The following TRABD2B variants were observed in gnomAD, a reference collection of about 807,000 sequenced individuals.
TRABD2B encodes the protein metalloprotease TIKI2.
In TRABD2B, 14 loss-of-function variants were observed where a neutral mutation model predicts 40.1. The ratio of observed to expected loss-of-function variants is 0.35; its 90% CI spans 0.23 to 0.55. TRABD2B has a LOEUF of 0.55. Among genes scored for constraint, TRABD2B ranks in the 20% least tolerant of loss-of-function variants. The pLI is 0.90. For synonymous variants in TRABD2B, 263 were observed against 277.0 expected (o/e 0.95, Z 0.50); for missense variants, 541 against 648.6 (o/e 0.83, Z 1.80).
chr1:47,789,692 C>T lies in TRABD2B; in HGVS notation c.988+4894G>A, dbSNP rs112659487. 2.8e-4 allele frequency among the ~76,000 whole-genome samples: 42 copies of T among 152,200 alleles called. 3 individuals are homozygous for T. Among genetic ancestry groups the T allele is most frequent in the African/African-American group, 9.9e-4 (41 of 41,508 alleles). On this transcript the variant is annotated intron_variant, in intron 4 of 6. Coordinates refer to ENST00000606738, the MANE Select transcript of TRABD2B (RefSeq NM_001194986.2). The stretch of plus-strand genomic sequence containing the variant: ...GAAGCCATCAGCTGAGAATTTGCTC[C>T]CTTTTTGGCTGCCAAATTACTTGCC...
intron 2 of TRABD2B, among the ~76,000 whole-genome samples, chr1:47,862,977 T>C (rs1237311999): frequency 6.6e-6 from 1 of 152,186 alleles, no homozygotes; most frequent in Non-Finnish European, 1.5e-5. Flanking sequence ...GGCTGCCTTT[T>C]CAACAAATAG....
chr1:47,997,296 C>T lies in TRABD2B; in HGVS notation c.-507G>A. 1.1e-6 allele frequency: 1 copy of T among 887,146 alleles called. No individual in the cohort carries two copies. Among genetic ancestry groups the T allele is most frequent in the Non-Finnish European group, 1.3e-6 (1 of 742,650 alleles). The allele number at this position is 887,146 out of a possible 1,614,324, so 55.0% of individuals were successfully genotyped here. On this transcript the variant is annotated 5_prime_UTR_variant, in exon 1 of 7. Coordinates refer to ENST00000606738, the MANE Select transcript of TRABD2B (RefSeq NM_001194986.2). ...GCGGCTCTGGGGCGACCGGCTGCCC[C>T]CGAGCCCGGCTCAGAGGGGCGGCGG...
chr1:47,843,347 G>C (rs1352696751), intron 2 of TRABD2B, among the ~76,000 whole-genome samples: 1 of 152,182 alleles, frequency 6.6e-6, no homozygotes, highest in African/African-American at 2.4e-5. Flanking sequence ...GAGCAGGGGT[G>C]TTCTGGATGC....
rs1296659278 is a variant in TRABD2B at position 47,762,781 on chromosome 1, C to A, written c.*3121G>T. ...CTGTGGATGACAGGGCTCTCCCTGT[C>A]TTCATCTGGCTGCTGGTGCATCAGA... On this transcript the variant is annotated 3_prime_UTR_variant, in exon 7 of 7. Coordinates refer to ENST00000606738, the MANE Select transcript of TRABD2B (RefSeq NM_001194986.2). 1.3e-5 allele frequency: 2 copies of A among 152,290 alleles called. No individual in the cohort carries two copies. Among genetic ancestry groups the A allele is most frequent in the Admixed American group, 1.3e-4 (2 of 15,302 alleles). 9.4% of individuals were successfully genotyped at this position (152,290 alleles called of 1,614,324 possible).
chr1:47,928,742 A>C (rs182663299), intron 2 of TRABD2B, among the ~76,000 whole-genome samples: 1 of 152,370 alleles, frequency 6.6e-6, no homozygotes, highest in South Asian at 2.1e-4. Flanking sequence ...GCCCATGCTC[A>C]GTAAGATTGA....
intron 2 of TRABD2B, among the ~76,000 whole-genome samples, chr1:47,822,478 A>T (rs1328753484): frequency 7.2e-6 from 1 of 138,612 alleles, no homozygotes; most frequent in African/African-American, 2.7e-5. Context: ...GGGGGCAGGT[A>T]GAGAATCAGG....
At chr1:47,924,921 G>C (rs1644950231) in intron 2 of TRABD2B, among the ~76,000 whole-genome samples, 1 of 152,218 alleles carries the variant, frequency 6.6e-6, no homozygotes, top group Non-Finnish European at 1.5e-5. Context: ...AAAAGGGCAA[G>C]TCTCTGTCTG....
intron 2 of TRABD2B, among the ~76,000 whole-genome samples, chr1:47,855,411 T>C (rs1405992338): frequency 6.6e-6 from 1 of 152,270 alleles, no homozygotes; most frequent in Admixed American, 6.5e-5. Flanking sequence ...TTTACTCTTC[T>C]ATTACATGCA....
chr1:47,803,853 T>A (rs1173606660), intron 2 of TRABD2B, among the ~76,000 whole-genome samples: 3 of 152,222 alleles, frequency 2.0e-5, no homozygotes, highest in Non-Finnish European at 4.4e-5. Context: ...TCAAGGCTGC[T>A]CATTGAGTCC....
At chr1:47,958,157 G>T (rs1340454404) in intron 2 of TRABD2B, among the ~76,000 whole-genome samples, 1 of 149,648 alleles carries the variant, frequency 6.7e-6, no homozygotes, top group Non-Finnish European at 1.5e-5. Context: ...ACAAGCAAAT[G>T]CTGAGAGATT....
At chr1:47,980,460 C>T (rs1456274087) in intron 2 of TRABD2B, among the ~76,000 whole-genome samples, 7 of 152,208 alleles carry the variant, frequency 4.6e-5, no homozygotes, top group African/African-American at 1.7e-4. Context: ...TGCAAAGCCC[C>T]AGCTGCCATG....
intron 2 of TRABD2B, among the ~76,000 whole-genome samples, chr1:47,816,082 C>T (rs1044984122): frequency 1.3e-5 from 2 of 152,142 alleles, no homozygotes; most frequent in African/African-American, 4.8e-5. Context: ...CTTGCCAGGC[C>T]CTTTGTGATC....
intron 2 of TRABD2B, among the ~76,000 whole-genome samples, chr1:47,906,739 G>A (rs1644683664): frequency 6.6e-6 from 1 of 152,244 alleles, no homozygotes; most frequent in African/African-American, 2.4e-5. Flanking sequence ...CAGGGGCCCA[G>A]AATCTTGGCT....
At chr1:47,809,085 G>A (rs1644928979) in intron 2 of TRABD2B, among the ~76,000 whole-genome samples, 1 of 152,080 alleles carries the variant, frequency 6.6e-6, no homozygotes, top group Admixed American at 6.5e-5. Context: ...TCCTCTGTCT[G>A]GAAACCTCTC....
chr1:47,925,473 A>G (rs1332618772), intron 2 of TRABD2B, among the ~76,000 whole-genome samples: 1 of 152,278 alleles, frequency 6.6e-6, no homozygotes, highest in Non-Finnish European at 1.5e-5. Flanking sequence ...TCTGCAGTGT[A>G]ATAGCAACAG....
At chr1:47,879,936 G>C (rs908019730) in intron 2 of TRABD2B, among the ~76,000 whole-genome samples, 1 of 152,246 alleles carries the variant, frequency 6.6e-6, no homozygotes, top group Non-Finnish European at 1.5e-5. Flanking sequence ...TTAGTCATCT[G>C]TGTTGATTCT....
intron 4 of TRABD2B, among the ~76,000 whole-genome samples, chr1:47,782,096 C>T (rs1444362428): frequency 6.6e-6 from 1 of 152,192 alleles, no homozygotes; most frequent in Non-Finnish European, 1.5e-5. Context: ...TCTGGAATTG[C>T]CACTTTTGCC....
At chr1:47,816,920 G>A (rs778835623) in intron 2 of TRABD2B, among the ~76,000 whole-genome samples, 1 of 152,186 alleles carries the variant, frequency 6.6e-6, no homozygotes, top group Non-Finnish European at 1.5e-5. Flanking sequence ...AGTGGTGGAT[G>A]AATGAAAATA....
chr1:47,767,214 T>C (rs1644316562), intron 6 of TRABD2B, among the ~76,000 whole-genome samples: 1 of 151,992 alleles, frequency 6.6e-6, no homozygotes, highest in Admixed American at 6.5e-5. Flanking sequence ...GTAATGGCCA[T>C]GCCTATCCTC....
Sources: allele counts gnomAD v4.1 joint callset (sites outside exome capture counted in the v4.1 genomes callset), GRCh38; gene constraint gnomAD v4.1.1; transcripts MANE v1.5; gene names NCBI Gene and HGNC (gene_info 2026-07-23, HGNC 2026-07-21).